Variants in NRG2 observed in about 807,000 individuals in gnomAD.
NRG2 encodes neuregulin 2, also known as pro-neuregulin-2, membrane-bound isoform.
In NRG2, 27 loss-of-function variants were observed where a neutral mutation model predicts 73.9. That is an observed-to-expected ratio of 0.37 (90% CI 0.27 to 0.50). The LOEUF is 0.50. Ranked by LOEUF, NRG2 falls within the 20% of genes least tolerant of loss-of-function variation. The pLI is 0.96. For missense variants in NRG2, 1,126 were observed against 1,210.1 expected (o/e 0.93, Z 1.03); for synonymous variants, 532 against 541.0 (o/e 0.98, Z 0.23).
chr5:140,030,913 A>C (rs905379096), intron 1 of NRG2, among the ~76,000 whole-genome samples: 1 of 152,184 alleles, frequency 6.6e-6, no homozygotes, highest in African/African-American at 2.4e-5. Context: ...AGACCAGTGA[A>C]TGTTACTAGC....
At chr5:140,004,343 C>T (rs530470885) in intron 1 of NRG2, among the ~76,000 whole-genome samples, 1 of 152,324 alleles carries the variant, frequency 6.6e-6, no homozygotes, top group East Asian at 1.9e-4. Context: ...GCAGATAAGA[C>T]TTACCAATGG....
chr5:139,881,220 A>G (rs1283716869), intron 2 of NRG2, among the ~76,000 whole-genome samples: 3 of 152,178 alleles, frequency 2.0e-5, no homozygotes, highest in African/African-American at 7.2e-5. Context: ...CATGTCCTAA[A>G]TCTATGATCC....
chr5:140,040,665 C>A lies in NRG2; in HGVS notation c.700+1705G>T, dbSNP rs531260688. The stretch of plus-strand genomic sequence containing the variant: ...CACCAACAACCAAACAGAAGCTGTC[C>A]TTGGACAAGATTCAATAAATATTTT... On this transcript the variant is annotated intron_variant, in intron 1 of 9. Coordinates refer to ENST00000361474, the MANE Select transcript of NRG2 (RefSeq NM_004883.3). Among the ~76,000 whole-genome samples the A allele has an allele frequency of 9.8e-5, 15 of 152,292 alleles. No individual in the cohort carries two copies. In the South Asian group the frequency reaches 3.1e-3, roughly 32 times the overall value.
chr5:140,023,329 C>A (rs750222606), intron 1 of NRG2, among the ~76,000 whole-genome samples: 2 of 152,098 alleles, frequency 1.3e-5, no homozygotes, highest in Admixed American at 1.3e-4. Flanking sequence ...CTTGTTTCTA[C>A]CTCTGCTGAC....
intron 1 of NRG2, among the ~76,000 whole-genome samples, chr5:140,041,986 C>T (rs1174641476): frequency 2.6e-5 from 4 of 152,146 alleles, no homozygotes; most frequent in African/African-American, 4.8e-5. Context: ...GGCAGCAGGG[C>T]AGGCAAGGCC....
At chr5:139,898,196 A>G (rs1278163855) in intron 1 of NRG2, among the ~76,000 whole-genome samples, 1 of 152,218 alleles carries the variant, frequency 6.6e-6, no homozygotes, top group East Asian at 1.9e-4. Flanking sequence ...AAGGATGAGC[A>G]AGAGTTTGCT....
chr5:139,922,450 C>CA (rs1371557942), intron 1 of NRG2, among the ~76,000 whole-genome samples: 1 of 152,194 alleles, frequency 6.6e-6, no homozygotes, highest in African/African-American at 2.4e-5. Flanking sequence ...CTAACAGCAC[C>CA]AAATTCTGGT....
chr5:139,850,735 T>A (rs534625642), intron 9 of NRG2, among the ~76,000 whole-genome samples: 1 of 152,270 alleles, frequency 6.6e-6, no homozygotes, highest in African/African-American at 2.4e-5. Flanking sequence ...AGAAAGGGCG[T>A]TTCCTGGTTC....
intron 3 of NRG2, among the ~76,000 whole-genome samples, chr5:139,879,129 A>G (rs1349476299): frequency 2.0e-5 from 3 of 152,152 alleles, no homozygotes; most frequent in Non-Finnish European, 2.9e-5. Flanking sequence ...GGCTTTGAGT[A>G]TGGGTTCATG....
rs762704323 is a variant in NRG2, at chr5:140,042,566, C to A, written c.504G>T (p.Pro168=). 4 of 1,611,414 alleles carry A rather than the reference C, an allele frequency of 2.5e-6. No homozygotes were observed. In the East Asian group the frequency reaches 8.9e-5, roughly 36 times the overall value. The change falls in exon 1 of 10, where the codon CCG becomes CCT. Residue 168 remains proline (P), a synonymous_variant. Transcript: ENST00000361474. ...VALVKVLDKW[P]LRSGGLQREQ... ...CGCGCTGCAGCCCCCCGCTCCGGAG[C>A]GGCCACTTGTCCAGCACCTTTACCA...
chr5:139,929,251 T>C lies in NRG2; in HGVS notation c.701-41740A>G, dbSNP rs143426069. On this transcript the variant is annotated intron_variant, in intron 1 of 9. Transcript: ENST00000361474. ...AACATACCTTACTTCCCAACATTTC[T>C]TATTCTGGCTCCTAGGCACCTCATG... Among the ~76,000 whole-genome samples, 50 of 152,330 alleles carry C rather than the reference T, an allele frequency of 3.3e-4. No individual in the cohort carries two copies. In the East Asian group the frequency reaches 9.5e-3, roughly 29 times the overall value.
intron 1 of NRG2, among the ~76,000 whole-genome samples, chr5:140,028,154 T>C (rs908995593): frequency 1.3e-5 from 2 of 152,204 alleles, no homozygotes; most frequent in Non-Finnish European, 2.9e-5. Context: ...GTAAGACAAC[T>C]GGCAAAATTT....
intron 1 of NRG2, among the ~76,000 whole-genome samples, chr5:140,012,610 C>A (rs1372560546): frequency 6.6e-6 from 1 of 152,108 alleles, no homozygotes; most frequent in East Asian, 1.9e-4. Flanking sequence ...TCCATGATAT[C>A]AAATGCATGC....
At chr5:139,950,495 G>A (rs1052287358) in intron 1 of NRG2, among the ~76,000 whole-genome samples, 1 of 152,148 alleles carries the variant, frequency 6.6e-6, no homozygotes, top group African/African-American at 2.4e-5. Context: ...CTTTAGGAAG[G>A]TTCTGGTCCC....
At chr5:140,018,181 G>A (rs978889409) in intron 1 of NRG2, among the ~76,000 whole-genome samples, 4 of 152,074 alleles carry the variant, frequency 2.6e-5, no homozygotes, top group African/African-American at 4.8e-5. Flanking sequence ...ACTACACTCC[G>A]TTCTCTGCAA....
At chr5:139,892,787 G>C (rs555992487) in intron 1 of NRG2, among the ~76,000 whole-genome samples, 1 of 152,174 alleles carries the variant, frequency 6.6e-6, no homozygotes, top group African/African-American at 2.4e-5. Context: ...CCATTCAGTC[G>C]ACACTCTGAT....
chr5:139,922,928 A>C (rs970018970), intron 1 of NRG2, among the ~76,000 whole-genome samples: 4 of 152,214 alleles, frequency 2.6e-5, no homozygotes, highest in African/African-American at 9.6e-5. Context: ...TAAAAAGATC[A>C]GTGATTGCCA....
chr5:139,911,047 A>G (rs967423150), intron 1 of NRG2, among the ~76,000 whole-genome samples: 3 of 151,926 alleles, frequency 2.0e-5, no homozygotes, highest in Non-Finnish European at 2.9e-5. Flanking sequence ...CCAAGCAGCA[A>G]TGGGAGAGCA....
intron 1 of NRG2, among the ~76,000 whole-genome samples, chr5:139,966,873 T>C (rs912426928): frequency 6.6e-6 from 1 of 152,166 alleles, no homozygotes; most frequent in Non-Finnish European, 1.5e-5. Flanking sequence ...TACCTGCTCA[T>C]GCAGAAGGCT....
Sources: allele counts gnomAD v4.1 joint callset (sites outside exome capture counted in the v4.1 genomes callset), GRCh38; gene constraint gnomAD v4.1.1; transcripts MANE v1.5; gene names NCBI Gene and HGNC (gene_info 2026-07-23, HGNC 2026-07-21).